TRNAU1AP: variants seen among roughly 807,000 people sequenced by gnomAD.
The protein encoded by TRNAU1AP is tRNA selenocysteine 1 associated protein 1, also known as tRNA selenocysteine 1-associated protein 1.
Under a neutral mutation model 43.3 loss-of-function variants are expected in TRNAU1AP, and 33 were observed. The ratio of observed to expected loss-of-function variants is 0.76; its 90% CI spans 0.58 to 1.02. The LOEUF (loss-of-function observed/expected upper bound fraction) is 1.02. Ranked by LOEUF, TRNAU1AP falls within the 50% of genes least tolerant of loss-of-function variation. TRNAU1AP has a pLI of 0.00. For missense variants in TRNAU1AP, 290 were observed against 362.7 expected (o/e 0.80, Z 1.63); for synonymous variants, 143 against 129.1 (o/e 1.11, Z -0.73).
At chr1:28,575,321 A>G (rs1247715945) in intron 8 of TRNAU1AP, among the ~76,000 whole-genome samples, 1 of 151,790 alleles carries the variant, frequency 6.6e-6, no homozygotes, top group Non-Finnish European at 1.5e-5. Flanking sequence ...CGCCCAGCTA[A>G]TTTTTGTATT....
chr1:28,560,376 G>C (rs575514415), intron 2 of TRNAU1AP, among the ~76,000 whole-genome samples: 1 of 151,532 alleles, frequency 6.6e-6, no homozygotes, highest in Admixed American at 6.6e-5. Flanking sequence ...CCACCTCCTG[G>C]GTTACAGCAA....
intron 3 of TRNAU1AP, chr1:28,561,103 C>A: frequency 7.2e-7 from 1 of 1,390,668 alleles, no homozygotes; most frequent in Non-Finnish European, 9.3e-7. Context: ...GCATTCTGCT[C>A]TTCCCACAGT....
At chr1:28,568,750 C>T (rs1310409596) in intron 6 of TRNAU1AP, among the ~76,000 whole-genome samples, 1 of 151,776 alleles carries the variant, frequency 6.6e-6, no homozygotes, top group East Asian at 1.9e-4. Flanking sequence ...ATCGGACAGC[C>T]ACCCACCCCT....
At chr1:28,553,304 C>A in intron 1 of TRNAU1AP, 167 bp downstream of exon 1, 1 of 860,050 alleles carries the variant, frequency 1.2e-6, no homozygotes, top group African/African-American at 1.7e-5. Context: ...AGTGAAGAGG[C>A]TGAGTCCGTG....
intron 2 of TRNAU1AP, among the ~76,000 whole-genome samples, chr1:28,554,686 CA>C (rs1484742882): frequency 6.6e-6 from 1 of 150,900 alleles, no homozygotes; most frequent in African/African-American, 2.4e-5. Context: ...ACTAAAAATA[CA>C]AAAAAAATTA....
chr1:28,571,077 A>C, intron 6 of TRNAU1AP, 99 bp from the exon 7 acceptor site: 2 of 1,202,924 alleles, frequency 1.7e-6, no homozygotes, highest in Non-Finnish European at 2.3e-6. Context: ...GAAAAAAAAA[A>C]GTTAATCGGT....
chr1:28,575,555 C>T (rs1165567724), intron 8 of TRNAU1AP, among the ~76,000 whole-genome samples: 4 of 150,654 alleles, frequency 2.7e-5, no homozygotes, highest in Non-Finnish European at 5.9e-5. Flanking sequence ...CTCCGCCTCC[C>T]GGGTTCAAGT....
chr1:28,555,360 A>G (rs932356513), intron 2 of TRNAU1AP, among the ~76,000 whole-genome samples: 2 of 152,208 alleles, frequency 1.3e-5, no homozygotes, highest in Non-Finnish European at 2.9e-5. Context: ...GAGACAATAA[A>G]TAAGTAAACA....
At chr1:28,563,459 G>A (rs938695035) in intron 4 of TRNAU1AP, among the ~76,000 whole-genome samples, 4 of 151,922 alleles carry the variant, frequency 2.6e-5, no homozygotes, top group Non-Finnish European at 5.9e-5. Flanking sequence ...GAGGAGGGTG[G>A]ATCACCTGCG....
chr1:28,561,938 G>A (rs935962635), intron 4 of TRNAU1AP, among the ~76,000 whole-genome samples: 1 of 152,128 alleles, frequency 6.6e-6, no homozygotes, highest in Non-Finnish European at 1.5e-5. Flanking sequence ...CGGGCGTGGT[G>A]GCAGGCGCCT....
rs559333224 is a variant in TRNAU1AP, at chr1:28,567,517, G to A, written c.530+104G>A. On this transcript the variant is annotated intron_variant, in intron 6 of 8. Coordinates refer to ENST00000373830, the MANE Select transcript of TRNAU1AP (RefSeq NM_017846.5). ...TCCATACGCTGGATGGGAGGCTGAA[G>A]GGGATCCAATTCAAGTCACAAGTAC... The A allele has an allele frequency of 1.0e-4, 136 of 1,361,270 alleles. No individual in the cohort carries two copies. In the African/African-American group the frequency reaches 1.3e-3, roughly 13 times the overall value. 84.3% of individuals were successfully genotyped at this position (1,361,270 alleles called of 1,614,324 possible). A position where few individuals can be genotyped will look rare whatever the true frequency, so the allele number is the denominator to read the frequency against.
chr1:28,569,893 C>T (rs189505854), intron 6 of TRNAU1AP, among the ~76,000 whole-genome samples: 3 of 141,608 alleles, frequency 2.1e-5, no homozygotes, highest in African/African-American at 8.0e-5. Flanking sequence ...CCCAGCTACT[C>T]GGGAGACTGA....
At chr1:28,574,477 G>A (rs1157175944) in intron 8 of TRNAU1AP, 2 of 152,108 alleles carry the variant, frequency 1.3e-5, no homozygotes, top group Admixed American at 6.6e-5. Flanking sequence ...CCAGCTACTT[G>A]GGGGAGGCTG....
At chr1:28,560,916 C>T (rs1164884484) in intron 3 of TRNAU1AP, 184 bp downstream of exon 3, 1 of 872,616 alleles carries the variant, frequency 1.1e-6, no homozygotes, top group East Asian at 2.9e-5. Context: ...TCCAAGGCAA[C>T]ACAGGTAGTA....
intron 1 of TRNAU1AP, 33 bp from the exon 2 acceptor site, chr1:28,553,606 CG>C (rs995933252): frequency 2.5e-6 from 4 of 1,604,100 alleles, no homozygotes; most frequent in Admixed American, 1.7e-5. Flanking sequence ...GCCCGGCCGC[CG>C]GCCTGAGCCG....
intron 4 of TRNAU1AP, among the ~76,000 whole-genome samples, chr1:28,563,683 C>CA (rs879687976): frequency 1.7e-3 from 186 of 109,348 alleles, no homozygotes; most frequent in East Asian, 2.9e-3. Flanking sequence ...GACTCCGTCT[C>CA]AAAAAAAAAA....
intron 2 of TRNAU1AP, among the ~76,000 whole-genome samples, chr1:28,554,647 C>A (rs774280601): frequency 1.6e-4 from 24 of 151,832 alleles, no homozygotes; most frequent in Non-Finnish European, 2.5e-4. Flanking sequence ...TTGAGACCAT[C>A]CTGGCTAACA....
Position 28,554,213 on chromosome 1 carries a change from CAAAA to C in TRNAU1AP, c.125+480_125+483del, listed in dbSNP as rs896537013. ...AACAATGTCTCAAAAAAAAAAAAAA[CAAAA>C]AAACAAAAAACGCAGGACTCAAGCG... On this transcript the variant is annotated intron_variant, in intron 2 of 8. Transcript: ENST00000373830. Among the ~76,000 whole-genome samples the C allele has an allele frequency of 5.9e-4, 80 of 136,266 alleles. 3 individuals carry two copies. The highest frequency in any genetic ancestry group is 2.4e-3 in the African/African-American group (76 of 31,658). 89.4% of individuals were successfully genotyped at this position (136,266 alleles called of 152,430 possible).
intron 8 of TRNAU1AP, chr1:28,574,510 C>A (rs1440210501): frequency 6.6e-6 from 1 of 152,070 alleles, no homozygotes; most frequent in African/African-American, 2.4e-5. Context: ...TGCTTGGGCC[C>A]AGGAGGTTGA....
Sources: allele counts gnomAD v4.1 joint callset (sites outside exome capture counted in the v4.1 genomes callset), GRCh38; gene constraint gnomAD v4.1.1; transcripts MANE v1.5; gene names NCBI Gene and HGNC (gene_info 2026-07-23, HGNC 2026-07-21).